Variants in CDH22 observed in about 807,000 individuals in gnomAD.
CDH22 encodes the protein cadherin-22.
A neutral mutation model predicts 58.4 loss-of-function variants in CDH22; 30 were observed. The ratio of observed to expected loss-of-function variants is 0.51; its 90% CI spans 0.38 to 0.70. CDH22 has a LOEUF of 0.70. Among genes scored for constraint, CDH22 ranks in the 30% least tolerant of loss-of-function variants. The probability of loss-of-function intolerance (pLI) is 0.00; values close to 1 mark genes in which losing one functional copy is unlikely to be tolerated. For missense variants in CDH22, 1,014 were observed against 1,233.9 expected (o/e 0.82, Z 2.67); for synonymous variants, 513 against 558.2 (o/e 0.92, Z 1.14).
chr20:46,288,711 G>C (rs2086586861), intron 1 of CDH22, among the ~76,000 whole-genome samples: 1 of 152,120 alleles, frequency 6.6e-6, no homozygotes, highest in South Asian at 2.1e-4. Context: ...TCCGCCAAAA[G>C]CCTTGAAGTC....
At chr20:46,303,312 T>C (rs2086660462) in intron 1 of CDH22, among the ~76,000 whole-genome samples, 1 of 152,172 alleles carries the variant, frequency 6.6e-6, no homozygotes, top group East Asian at 1.9e-4. Context: ...TACCCTCCTT[T>C]ATCCCATAGA....
intron 4 of CDH22, among the ~76,000 whole-genome samples, chr20:46,222,748 G>A (rs975330186): frequency 2.6e-5 from 4 of 152,222 alleles, no homozygotes; most frequent in African/African-American, 4.8e-5. Context: ...CATCCCTGTC[G>A]CCCCTGTGGG....
intron 1 of CDH22, among the ~76,000 whole-genome samples, chr20:46,274,380 T>C (rs948854060): frequency 6.6e-6 from 1 of 152,206 alleles, no homozygotes; most frequent in Non-Finnish European, 1.5e-5. Context: ...TTATGGATGA[T>C]GGTTCTAATG....
intron 4 of CDH22, among the ~76,000 whole-genome samples, chr20:46,219,602 A>G (rs547300539): frequency 1.3e-5 from 2 of 152,316 alleles, no homozygotes; most frequent in South Asian, 4.1e-4. Flanking sequence ...GTCTCCAGAC[A>G]TTGTCAAATG....
rs2086371829 is a variant in CDH22, at chr20:46,251,272, C to A, written c.23G>T (p.Arg8Met). ...CAGCGCGACTCCCGCCCGGAGCCCC[C>A]TACCTTCGGGCCTCGGCCTCATCCT... MRPRPEG[R>M]GLRAGVALSP... The change falls in exon 2 of 12, where the codon AGG (arginine) becomes ATG (methionine). Residue 8 changes from arginine (R) to methionine (M), a missense_variant. Transcript: ENST00000537909. The surrounding 1 kb of genome is among the most constrained non-coding windows in gnomAD (Gnocchi z 6.7). 1 of 1,462,148 alleles carries A rather than the reference C, an allele frequency of 6.8e-7. No individual in the cohort carries two copies. Among genetic ancestry groups the A allele is most frequent in the Non-Finnish European group, 9.0e-7 (1 of 1,113,494 alleles). 90.6% of individuals were successfully genotyped at this position (1,462,148 alleles called of 1,614,324 possible).
intron 6 of CDH22, among the ~76,000 whole-genome samples, chr20:46,212,211 C>T (rs193282722): frequency 1.3e-5 from 2 of 152,254 alleles, no homozygotes; most frequent in East Asian, 1.9e-4. Flanking sequence ...AGACAGATGC[C>T]GGCTGAATGG....
At position 46,227,724 on chromosome 20, in the gene CDH22, C is replaced by G. The variant is rs1230817237; in HGVS notation, c.551-97G>C. On this transcript the variant is annotated intron_variant, in intron 3 of 11. Coordinates refer to ENST00000537909, the MANE Select transcript of CDH22 (RefSeq NM_021248.3). ...CCCAGGGAAGCTGGGAGAGGAGACC[C>G]TCGGGAGACCTGCGGGAGGCCATCG... is the stretch of plus-strand genomic sequence containing the variant. 7 of 1,490,782 alleles carry G rather than the reference C, an allele frequency of 4.7e-6. No homozygotes were observed. The African/African-American group carries it at 8.3e-5, about 18-fold the overall frequency. The allele number at this position is 1,490,782 out of a possible 1,614,324, so 92.3% of individuals were successfully genotyped here.
chr20:46,241,636 C>T lies in CDH22; in HGVS notation c.256-379G>A, dbSNP rs975987574. Among the ~76,000 whole-genome samples, 1 of 152,206 alleles carries T rather than the reference C, an allele frequency of 6.6e-6. No homozygotes were observed. The highest frequency in any genetic ancestry group is 2.4e-5 in the African/African-American group (1 of 41,454). On this transcript the variant is annotated intron_variant, in intron 2 of 11. Transcript: ENST00000537909. This position sits in a 1 kb window ranked among gnomAD's most constrained non-coding sequence, Gnocchi z 5.2. ...GCACGCACAGCTCTGAGGCTTCTGC[C>T]TTGAGCCCTGTCCTTGTTTCTCTGC...
At chr20:46,306,134 G>A (rs964620614) in intron 1 of CDH22, among the ~76,000 whole-genome samples, 3 of 152,354 alleles carry the variant, frequency 2.0e-5, no homozygotes, top group South Asian at 2.1e-4. Flanking sequence ...AGCACTGGGG[G>A]TCTAACTTGA....
intron 5 of CDH22, among the ~76,000 whole-genome samples, chr20:46,215,930 G>A (rs1014729384): frequency 1.3e-5 from 2 of 152,198 alleles, no homozygotes; most frequent in Non-Finnish European, 2.9e-5. Flanking sequence ...CCGGGAAGCC[G>A]GTTGGTGAGC....
intron 1 of CDH22, among the ~76,000 whole-genome samples, chr20:46,276,443 A>G (rs2086517673): frequency 1.3e-5 from 2 of 152,130 alleles, no homozygotes; most frequent in South Asian, 4.2e-4. Flanking sequence ...GTCGTGGGCG[A>G]TTGATTGGAT....
intron 1 of CDH22, among the ~76,000 whole-genome samples, chr20:46,306,073 C>T (rs891207978): frequency 7.9e-5 from 12 of 152,268 alleles, no homozygotes; most frequent in South Asian, 2.1e-4. Flanking sequence ...TTCTGCTACT[C>T]GGCGTCTCTG....
intron 3 of CDH22, among the ~76,000 whole-genome samples, chr20:46,234,762 C>G (rs2086242148): frequency 6.6e-6 from 1 of 152,220 alleles, no homozygotes; most frequent in Non-Finnish European, 1.5e-5. Context: ...ATCTTAGACT[C>G]CTTCTCAATA....
intron 2 of CDH22, among the ~76,000 whole-genome samples, chr20:46,249,349 C>T (rs1185658300): frequency 1.3e-5 from 2 of 152,208 alleles, no homozygotes; most frequent in African/African-American, 4.8e-5. Flanking sequence ...GTCAGGAGTC[C>T]TAGGCCCTGC....
At chr20:46,302,735 C>T (rs995044725) in intron 1 of CDH22, among the ~76,000 whole-genome samples, 1 of 152,180 alleles carries the variant, frequency 6.6e-6, no homozygotes, top group Non-Finnish European at 1.5e-5. Flanking sequence ...CATCCAGCAT[C>T]CCCACTCATG....
At chr20:46,215,459 G>A (rs1001474532) in intron 5 of CDH22, among the ~76,000 whole-genome samples, 2 of 152,188 alleles carry the variant, frequency 1.3e-5, no homozygotes, top group Admixed American at 6.5e-5. Flanking sequence ...TGTGACTGGT[G>A]ATGCCTGCGT....
chr20:46,225,783 A>G (rs1279856524), intron 4 of CDH22, among the ~76,000 whole-genome samples: 1 of 151,996 alleles, frequency 6.6e-6, no homozygotes, highest in Admixed American at 6.6e-5. Flanking sequence ...GGGAGTGGGA[A>G]GCGTTTCTTT....
At chr20:46,182,597 T>C (rs893439915) in intron 10 of CDH22, among the ~76,000 whole-genome samples, 1 of 152,156 alleles carries the variant, frequency 6.6e-6, no homozygotes, top group Non-Finnish European at 1.5e-5. Flanking sequence ...TCCCCAGGCA[T>C]CAACCCTGAA....
At chr20:46,212,346 G>A (rs1020140377) in intron 6 of CDH22, among the ~76,000 whole-genome samples, 4 of 152,196 alleles carry the variant, frequency 2.6e-5, no homozygotes, top group African/African-American at 7.2e-5. Flanking sequence ...GAGTGGGGTC[G>A]GAGTGGGTGG....
Sources: allele counts gnomAD v4.1 joint callset (sites outside exome capture counted in the v4.1 genomes callset), GRCh38; gene constraint gnomAD v4.1.1; non-coding constraint Gnocchi (gnomAD v3.1); transcripts MANE v1.5; gene names NCBI Gene and HGNC (gene_info 2026-07-23, HGNC 2026-07-21).